DIABLO: variants seen among roughly 807,000 people sequenced by gnomAD.
DIABLO encodes the protein diablo IAP-binding mitochondrial protein.
In DIABLO, 32 loss-of-function variants were observed where a neutral mutation model predicts 31.7. That is an observed-to-expected ratio of 1.01 (90% CI 0.76 to 1.35). The LOEUF (loss-of-function observed/expected upper bound fraction) is 1.35, where lower values mean the gene tolerates loss of function less well. Among genes scored for constraint, DIABLO ranks in the 40% most tolerant of loss-of-function variants. DIABLO has a pLI of 0.00. For synonymous variants in DIABLO, 132 were observed against 103.2 expected, an observed-to-expected ratio of 1.28 and a Z score of -1.69; for missense variants, 316 against 286.4, an observed-to-expected ratio of 1.10 and a Z score of -0.75.
intron 5 of DIABLO, among the ~76,000 whole-genome samples, chr12:122,210,882 TAAA>T (rs1021669680): frequency 1.3e-5 from 2 of 149,302 alleles, no homozygotes; most frequent in African/African-American, 2.5e-5. Context: ...CTACTAAAAA[TAAA>T]AAAATTAGCT....
At chr12:122,222,593 T>TAAAAAAAAAAAAA (rs1566028336) in intron 2 of DIABLO, 69 of 89,820 alleles carry the variant, frequency 7.7e-4, no homozygotes, top group African/African-American at 2.1e-3. Flanking sequence ...AAAAAAAAAT[T>TAAAAAAAAAAAAA]TTTGGAATCT....
At chr12:122,219,097 G>A (rs1954279822) in intron 2 of DIABLO, among the ~76,000 whole-genome samples, 1 of 151,866 alleles carries the variant, frequency 6.6e-6, no homozygotes, top group African/African-American at 2.4e-5. Flanking sequence ...GCTGGGCGTG[G>A]TGGCACACGC....
At chr12:122,222,919 C>G (rs140228677) in intron 2 of DIABLO, among the ~76,000 whole-genome samples, 2 of 151,984 alleles carry the variant, frequency 1.3e-5, no homozygotes, top group Non-Finnish European at 2.9e-5. Flanking sequence ...CCAGTACCAG[C>G]CCAGGGGTTG....
chr12:122,222,763 C>T (rs953163610), intron 2 of DIABLO, among the ~76,000 whole-genome samples: 4 of 152,050 alleles, frequency 2.6e-5, no homozygotes, highest in Admixed American at 6.6e-5. Context: ...CTAGATCCCT[C>T]GCACGTGTAG....
intron 2 of DIABLO, among the ~76,000 whole-genome samples, chr12:122,222,927 T>C (rs997281033): frequency 6.6e-6 from 1 of 151,894 alleles, no homozygotes; most frequent in Non-Finnish European, 1.5e-5. Context: ...AGCCCAGGGG[T>C]TGGGGACCCC....
At chr12:122,213,850 C>A (rs549301425) in intron 5 of DIABLO, among the ~76,000 whole-genome samples, 1 of 152,020 alleles carries the variant, frequency 6.6e-6, no homozygotes, top group Non-Finnish European at 1.5e-5. Context: ...TTTGGGAGGC[C>A]GAGGCAGGCA....
Position 122,224,636 on chromosome 12 carries a change from T to C in DIABLO, c.59A>G (p.Gln20Arg), listed in dbSNP as rs201330335. Reference protein sequence around the residue: ...RSVTSFFRYRQCLCVPVVANF... With the variant: ...RSVTSFFRYRRCLCVPVVANF... ...AGCCACAACAGGAACACACAAACAC[T>C]GTCTGTACCTGGAAGTAGAAGTCAG... The change falls in exon 2 of 6, where the codon CAG (glutamine) becomes CGG (arginine). Residue 20 changes from glutamine to arginine, a missense_variant. Physicochemically the swap from Gln to Arg is conservative, Grantham distance 43. Transcript: ENST00000464942. 1 of 1,614,134 alleles carries C rather than the reference T, an allele frequency of 6.2e-7. No individual in the cohort carries two copies. The highest frequency in any genetic ancestry group is 1.1e-5 in the South Asian group (1 of 91,086).
At chr12:122,222,218 T>C (rs1324773096) in intron 2 of DIABLO, 3 of 149,874 alleles carry the variant, frequency 2.0e-5, no homozygotes, top group African/African-American at 7.3e-5. Context: ...AGAAATGACA[T>C]TTCCAAAAAA....
chr12:122,210,772 A>C (rs911215380), intron 5 of DIABLO, among the ~76,000 whole-genome samples: 1 of 152,028 alleles, frequency 6.6e-6, no homozygotes, highest in Non-Finnish European at 1.5e-5. Context: ...GTAAATTTAG[A>C]GGGAGGGGGC....
At chr12:122,223,161 A>G (rs55741463) in intron 2 of DIABLO, among the ~76,000 whole-genome samples, 68,209 of 151,740 alleles carry the variant, frequency 0.45, 17,440 homozygotes, top group African/African-American at 0.69. Context: ...ACAGCCGGGC[A>G]CGGTGGCTCA....
chr12:122,216,460 A>G, intron 5 of DIABLO, 28 bp downstream of exon 5: 1 of 1,594,522 alleles, frequency 6.3e-7, no homozygotes, highest in Non-Finnish European at 8.6e-7. Context: ...AAATTAAAAA[A>G]AAAACCCAAC....
intron 3 of DIABLO, 166 bp from the exon 4 acceptor site, chr12:122,217,035 G>A (rs1566025123): frequency 1.6e-6 from 1 of 619,466 alleles, no homozygotes; most frequent in African/African-American, 1.8e-5. Flanking sequence ...AAGGTATCAG[G>A]ACATTAGTAT....
At chr12:122,218,147 A>G in intron 3 of DIABLO, 119 bp downstream of exon 3, 1 of 1,255,976 alleles carries the variant, frequency 8.0e-7, no homozygotes, top group Admixed American at 1.8e-5. Context: ...CAACACATAA[A>G]CAAATAGGCC....
intron 2 of DIABLO, among the ~76,000 whole-genome samples, chr12:122,223,869 T>C (rs1262098606): frequency 6.6e-6 from 1 of 152,202 alleles, no homozygotes; most frequent in Non-Finnish European, 1.5e-5. Flanking sequence ...GGTGAGATCA[T>C]AGCTCACTGC....
intron 5 of DIABLO, among the ~76,000 whole-genome samples, chr12:122,214,166 C>T (rs912076664): frequency 1.2e-4 from 19 of 152,248 alleles, no homozygotes; most frequent in African/African-American, 4.1e-4. Context: ...TATGATGACA[C>T]AACACTTACC....
At chr12:122,225,699 G>A in intron 1 of DIABLO, 2 of 1,406,586 alleles carry the variant, frequency 1.4e-6, no homozygotes, top group Non-Finnish European at 9.2e-7. Context: ...GGCTGGTCAG[G>A]AGGCGGAGCA....
Position 122,208,247 on chromosome 12 carries a change from G to A in DIABLO, c.*134C>T, listed in dbSNP as rs547767959. 60 of 1,048,754 alleles carry A rather than the reference G, an allele frequency of 5.7e-5. No individual in the cohort carries two copies. The highest frequency in any genetic ancestry group is 1.7e-4 in the African/African-American group (11 of 63,342). The allele number at this position is 1,048,754 out of a possible 1,614,324, so 65.0% of individuals were successfully genotyped here. A position where few individuals can be genotyped will look rare whatever the true frequency, so the allele number is the denominator to read the frequency against. ...GGAGGCACTCACAGCTCACAAAGGCGTCTCGCCTGATTGGCCAGGGCAGGA... is the reference window on the plus strand; with the variant it reads ...GGAGGCACTCACAGCTCACAAAGGCATCTCGCCTGATTGGCCAGGGCAGGA... On this transcript the variant is annotated 3_prime_UTR_variant, in exon 6 of 6. Transcript: ENST00000464942.
intron 5 of DIABLO, among the ~76,000 whole-genome samples, chr12:122,211,725 A>AT (rs1160889607): frequency 5.9e-5 from 9 of 152,052 alleles, no homozygotes; most frequent in South Asian, 2.1e-4. Flanking sequence ...AATAGCTTTA[A>AT]TTTTTTTGGT....
intron 1 of DIABLO, chr12:122,225,723 A>G: frequency 1.4e-6 from 2 of 1,423,704 alleles, no homozygotes; most frequent in East Asian, 2.6e-5. Flanking sequence ...CCAAGAAGGC[A>G]GCCCGGGGTC....
Sources: allele counts gnomAD v4.1 joint callset (sites outside exome capture counted in the v4.1 genomes callset), GRCh38; gene constraint gnomAD v4.1.1; transcripts MANE v1.5; gene names NCBI Gene and HGNC (gene_info 2026-07-23, HGNC 2026-07-21).